Variants in ATE1 observed in about 807,000 individuals in gnomAD.
ATE1 encodes the protein arginyltransferase 1.
A neutral mutation model predicts 70.5 loss-of-function variants in ATE1; 36 were observed. That is an observed-to-expected ratio of 0.51 (90% CI 0.39 to 0.67). ATE1 has a LOEUF of 0.67. ATE1 is among the 30% of genes least tolerant of loss of function. The probability of loss-of-function intolerance (pLI) is 0.00; values close to 1 mark genes in which losing one functional copy is unlikely to be tolerated. For missense variants in ATE1, 593 were observed against 629.5 expected (o/e 0.94, Z 0.62); for synonymous variants, 232 against 219.3 (o/e 1.06, Z -0.51).
At chr10:121,801,944 A>AC (rs1469721440) in intron 10 of ATE1, among the ~76,000 whole-genome samples, 1 of 152,132 alleles carries the variant, frequency 6.6e-6, no homozygotes, top group African/African-American at 2.4e-5. Context: ...AAAAAAAAAA[A>AC]AACATGGGCC....
chr10:121,804,702 C>T lies in ATE1; in HGVS notation c.1258-14413G>A, dbSNP rs910269390. 6.0e-5 allele frequency among the ~76,000 whole-genome samples: 9 copies of T among 150,950 alleles called. No homozygotes were observed. In the East Asian group the frequency reaches 1.2e-3, roughly 20 times the overall value. On this transcript the variant is annotated intron_variant, in intron 10 of 11. Transcript: ENST00000224652. ...AGTGTCTGAGTAATACAATGTGGTACGCAGCACACATTCTAGCAACTTTTT... is the reference window on the plus strand; with the variant it reads ...AGTGTCTGAGTAATACAATGTGGTATGCAGCACACATTCTAGCAACTTTTT...
Position 121,882,628 on chromosome 10 carries a change from T to C in ATE1, c.943-12590A>G, listed in dbSNP as rs558205439. On this transcript the variant is annotated intron_variant, in intron 7 of 11. Transcript: ENST00000224652. The stretch of plus-strand genomic sequence containing the variant: ...GAGTTCACATTTTCACCCTGGATGC[T>C]ACTCAGCCTTCATGTCAACAATATC... Among the ~76,000 whole-genome samples, 11 of 152,338 alleles carry C rather than the reference T, an allele frequency of 7.2e-5. 1 individual carries two copies. The highest frequency in any genetic ancestry group is 2.4e-4 in the African/African-American group (10 of 41,580).
intron 2 of ATE1, 46 bp from the exon 3 acceptor site, chr10:121,922,457 T>C: frequency 8.1e-7 from 1 of 1,238,830 alleles, no homozygotes. Context: ...TATTTTTCAC[T>C]TGCACCAAAA....
intron 7 of ATE1, among the ~76,000 whole-genome samples, chr10:121,879,084 T>C (rs1950149584): frequency 6.6e-6 from 1 of 151,972 alleles, no homozygotes; most frequent in Non-Finnish European, 1.5e-5. Context: ...TACTGAAAAA[T>C]TCAGCTAACA....
chr10:121,839,113 G>A (rs56117796), intron 9 of ATE1, among the ~76,000 whole-genome samples: 13,057 of 152,122 alleles, frequency 0.086, 1,776 homozygotes, highest in African/African-American at 0.29. Context: ...AAAAGGAAGT[G>A]ACAAGACCGC....
chr10:121,897,791 A>G (rs1483605151), intron 7 of ATE1, among the ~76,000 whole-genome samples: 3 of 149,162 alleles, frequency 2.0e-5, no homozygotes, highest in Non-Finnish European at 4.4e-5. Flanking sequence ...GCGCCACTGC[A>G]CTCCAGCCTG....
At chr10:121,815,000 A>T (rs1043850143) in intron 10 of ATE1, among the ~76,000 whole-genome samples, 3 of 152,256 alleles carry the variant, frequency 2.0e-5, no homozygotes, top group African/African-American at 7.2e-5. Context: ...AAAGTAATTC[A>T]ATTCATTTGG....
At chr10:121,798,756 G>A (rs1946758389) in intron 10 of ATE1, among the ~76,000 whole-genome samples, 2 of 151,850 alleles carry the variant, frequency 1.3e-5, no homozygotes, top group Non-Finnish European at 2.9e-5. Context: ...AAAAATTGTT[G>A]GGCGTGGTGA....
At chr10:121,804,178 G>A (rs1947003774) in intron 10 of ATE1, among the ~76,000 whole-genome samples, 1 of 152,166 alleles carries the variant, frequency 6.6e-6, no homozygotes, top group Admixed American at 6.5e-5. Context: ...TTATTTACAG[G>A]TGAGAAAGTC....
intron 7 of ATE1, among the ~76,000 whole-genome samples, chr10:121,885,731 C>A (rs1288937225): frequency 2.6e-5 from 4 of 151,846 alleles, no homozygotes; most frequent in East Asian, 3.9e-4. Flanking sequence ...GAAACCCTGT[C>A]CCTACTAAAA....
intron 8 of ATE1, among the ~76,000 whole-genome samples, chr10:121,863,157 G>A (rs1949535275): frequency 6.6e-6 from 1 of 151,680 alleles, no homozygotes; most frequent in Non-Finnish European, 1.5e-5. Context: ...CTATTAAGTG[G>A]ATCGCATTTC....
At chr10:121,928,052 T>C (rs2134689077), upstream of ATE1, 1 of 1,219,728 alleles carries the variant, frequency 8.2e-7, no homozygotes, top group African/African-American at 1.6e-5. Context: ...CTCCCGAGGC[T>C]CGCGCGAAGC....
At chr10:121,896,812 A>T in intron 7 of ATE1, among the ~76,000 whole-genome samples, 1 of 124,460 alleles carries the variant, frequency 8.0e-6, no homozygotes, top group Non-Finnish European at 1.6e-5. Context: ...AGACAGAGCA[A>T]GACTTTGTCT....
At chr10:121,897,897 G>C (rs1397848189) in intron 7 of ATE1, among the ~76,000 whole-genome samples, 1 of 151,694 alleles carries the variant, frequency 6.6e-6, no homozygotes, top group Non-Finnish European at 1.5e-5. Flanking sequence ...TGCTGATGCT[G>C]CAGGTCTGCA....
intron 8 of ATE1, among the ~76,000 whole-genome samples, chr10:121,850,107 C>T (rs965167256): frequency 1.7e-4 from 26 of 152,166 alleles, no homozygotes; most frequent in African/African-American, 5.6e-4. Context: ...AACTAACTCA[C>T]TATCAAATAA....
intron 11 of ATE1, among the ~76,000 whole-genome samples, chr10:121,767,865 T>C (rs1253498997): frequency 1.3e-5 from 2 of 152,192 alleles, no homozygotes; most frequent in African/African-American, 2.4e-5. Context: ...ACCAATCTCA[T>C]TTCTAGGAGT....
chr10:121,838,094 C>A (rs1182067009), intron 9 of ATE1, among the ~76,000 whole-genome samples: 1 of 152,136 alleles, frequency 6.6e-6, no homozygotes, highest in Non-Finnish European at 1.5e-5. Flanking sequence ...CTGGGTCAAG[C>A]AGCATTATGG....
At chr10:121,822,277 A>G (rs1326627838) in intron 10 of ATE1, among the ~76,000 whole-genome samples, 2 of 152,218 alleles carry the variant, frequency 1.3e-5, no homozygotes, top group Non-Finnish European at 2.9e-5. Context: ...AGTGAAACCT[A>G]TCAAAAAACA....
At chr10:121,743,962 G>A (rs142818003) in intron 11 of ATE1, 104 bp from the exon 12 acceptor site, 22,760 of 1,262,256 alleles carry the variant, frequency 0.018, 280 homozygotes, top group Non-Finnish European at 0.021. Flanking sequence ...TTGCTCTGTC[G>A]CCCAGGCTGG....
Sources: allele counts gnomAD v4.1 joint callset (sites outside exome capture counted in the v4.1 genomes callset), GRCh38; gene constraint gnomAD v4.1.1; transcripts MANE v1.5; gene names NCBI Gene and HGNC (gene_info 2026-07-23, HGNC 2026-07-21).